Variants in EPHA3 observed in about 807,000 individuals in gnomAD.
EPHA3 encodes EPH receptor A3, also known as ephrin type-A receptor 3.
In EPHA3, 42 loss-of-function variants were observed where a neutral mutation model predicts 107.1. The ratio of observed to expected loss-of-function variants is 0.39; its 90% CI spans 0.31 to 0.51. The LOEUF is 0.51. EPHA3 is among the 20% of genes least tolerant of loss of function. EPHA3 has a pLI of 0.78. For synonymous variants in EPHA3, 461 were observed against 424.8 expected (o/e 1.09, Z -1.05); for missense variants, 1,183 against 1,211.2 (o/e 0.98, Z 0.35).
intron 3 of EPHA3, among the ~76,000 whole-genome samples, chr3:89,277,094 C>T (rs1019434114): frequency 1.3e-5 from 2 of 152,088 alleles, no homozygotes; most frequent in Non-Finnish European, 2.9e-5. Context: ...ATGGTATCTT[C>T]GTGTGTTTGC....
Position 89,127,198 on chromosome 3 carries a change from T to A in EPHA3, c.89-11T>A. The A allele has an allele frequency of 6.2e-7, 1 of 1,606,918 alleles. No individual in the cohort carries two copies. The highest frequency in any genetic ancestry group is 8.5e-7 in the Non-Finnish European group (1 of 1,173,990). On this transcript the variant is annotated splice_polypyrimidine_tract_variant and intron_variant, in intron 1 of 16. Transcript: ENST00000336596. Reference sequence around the variant, plus strand: ...TTATTAACTGTGTTTGTGTATTATGTTTTATTTTAGTCAATCTACTGGATT... The same window carrying A: ...TTATTAACTGTGTTTGTGTATTATGATTTATTTTAGTCAATCTACTGGATT...
At chr3:89,152,791 A>G (rs1418945024) in intron 2 of EPHA3, among the ~76,000 whole-genome samples, 1 of 152,118 alleles carries the variant, frequency 6.6e-6, no homozygotes, top group Non-Finnish European at 1.5e-5. Context: ...TTCTAAATGA[A>G]CGAAGAAATG....
chr3:89,177,754 C>T (rs1282119389), intron 2 of EPHA3, among the ~76,000 whole-genome samples: 1 of 152,166 alleles, frequency 6.6e-6, no homozygotes, highest in African/African-American at 2.4e-5. Context: ...TGGGTAATTT[C>T]AACTGTAGTC....
intron 3 of EPHA3, among the ~76,000 whole-genome samples, chr3:89,294,362 C>T (rs1026906911): frequency 3.3e-5 from 5 of 152,078 alleles, no homozygotes; most frequent in Non-Finnish European, 7.4e-5. Context: ...ATATTCTCCC[C>T]CAATACCATT....
chr3:89,310,639 A>C (rs191233133), intron 3 of EPHA3, among the ~76,000 whole-genome samples: 1 of 151,900 alleles, frequency 6.6e-6, no homozygotes, highest in Non-Finnish European at 1.5e-5. Flanking sequence ...GATATTATAT[A>C]TACCATGCAA....
intron 3 of EPHA3, among the ~76,000 whole-genome samples, chr3:89,302,700 G>T (rs528799525): frequency 6.6e-6 from 1 of 152,024 alleles, no homozygotes; most frequent in East Asian, 1.9e-4. Context: ...TCTGAATTTA[G>T]AATCCATAGA....
intron 3 of EPHA3, among the ~76,000 whole-genome samples, chr3:89,292,141 G>A (rs1706221823): frequency 1.3e-5 from 2 of 152,072 alleles, no homozygotes; most frequent in South Asian, 4.1e-4. Flanking sequence ...AAAGTAAGGA[G>A]GGATAATTCA....
At chr3:89,314,642 G>T (rs1706852845) in intron 3 of EPHA3, among the ~76,000 whole-genome samples, 1 of 151,890 alleles carries the variant, frequency 6.6e-6, no homozygotes, top group Non-Finnish European at 1.5e-5. Flanking sequence ...GATGCATTCA[G>T]CTATCTGGCA....
intron 2 of EPHA3, among the ~76,000 whole-genome samples, chr3:89,198,220 T>C (rs1427598474): frequency 6.6e-6 from 1 of 152,202 alleles, no homozygotes; most frequent in Non-Finnish European, 1.5e-5. Flanking sequence ...TCCGGTGACA[T>C]TTTTGGTTAA....
intron 3 of EPHA3, among the ~76,000 whole-genome samples, chr3:89,269,964 A>G (rs1576279063): frequency 6.6e-6 from 1 of 151,810 alleles, no homozygotes; most frequent in Non-Finnish European, 1.5e-5. Context: ...TGTGGCTTCA[A>G]ATCACTGGTC....
At chr3:89,172,787 G>A (rs963593813) in intron 2 of EPHA3, among the ~76,000 whole-genome samples, 1 of 152,098 alleles carries the variant, frequency 6.6e-6, no homozygotes. Context: ...ATCAATTACA[G>A]TGTAATTATG....
intron 5 of EPHA3, among the ~76,000 whole-genome samples, chr3:89,367,419 T>A (rs1218437353): frequency 1.3e-5 from 2 of 150,620 alleles, no homozygotes; most frequent in Non-Finnish European, 3.0e-5. Flanking sequence ...CTGTCACTGC[T>A]CTTATAGGTG....
At chr3:89,115,556 G>T (rs377496283) in intron 1 of EPHA3, among the ~76,000 whole-genome samples, 5 of 151,154 alleles carry the variant, frequency 3.3e-5, no homozygotes, top group African/African-American at 9.6e-5. Context: ...TTTCATAAAA[G>T]ATGATTTTGT....
chr3:89,232,436 C>T (rs1411797296), intron 3 of EPHA3, among the ~76,000 whole-genome samples: 1 of 151,942 alleles, frequency 6.6e-6, no homozygotes, highest in African/African-American at 2.4e-5. Flanking sequence ...TGGTGAAAGG[C>T]CTTGACAAAC....
At chr3:89,181,240 A>G (rs946150515) in intron 2 of EPHA3, among the ~76,000 whole-genome samples, 2 of 152,000 alleles carry the variant, frequency 1.3e-5, no homozygotes, top group African/African-American at 2.4e-5. Flanking sequence ...TCAAAATTGT[A>G]ATAGGCATGT....
At chr3:89,149,914 A>G (rs1370216978) in intron 2 of EPHA3, among the ~76,000 whole-genome samples, 1 of 151,956 alleles carries the variant, frequency 6.6e-6, no homozygotes, top group East Asian at 1.9e-4. Flanking sequence ...CAGCTGTTAT[A>G]ATAAACAAAT....
At chr3:89,236,238 C>A (rs1704757607) in intron 3 of EPHA3, among the ~76,000 whole-genome samples, 1 of 151,696 alleles carries the variant, frequency 6.6e-6, no homozygotes, top group Admixed American at 6.6e-5. Flanking sequence ...ATATACCCCC[C>A]AAAAAACCCT....
At chr3:89,208,462 G>GAAAGACAGAAAGAA (rs1706173704) in intron 2 of EPHA3, among the ~76,000 whole-genome samples, 5 of 104,504 alleles carry the variant, frequency 4.8e-5, no homozygotes, top group African/African-American at 2.4e-4. Flanking sequence ...AAGAAAGAAA[G>GAAAGACAGAAAGAA]AAAGAAAGAA....
intron 2 of EPHA3, among the ~76,000 whole-genome samples, chr3:89,199,419 T>C (rs1216420792): frequency 6.6e-6 from 1 of 152,164 alleles, no homozygotes; most frequent in Non-Finnish European, 1.5e-5. Context: ...ATTATTCTCC[T>C]CACAAGAAAG....
Sources: allele counts gnomAD v4.1 joint callset (sites outside exome capture counted in the v4.1 genomes callset), GRCh38; gene constraint gnomAD v4.1.1; transcripts MANE v1.5; gene names NCBI Gene and HGNC (gene_info 2026-07-23, HGNC 2026-07-21).